Variants in RANBP17 observed in about 807,000 individuals in gnomAD.
RANBP17 encodes the protein ran-binding protein 17.
In RANBP17, 158 loss-of-function variants were observed where a neutral mutation model predicts 141.2. The observed-to-expected ratio is 1.12, with a 90% CI of 0.98 to 1.28. The LOEUF is 1.28. Among genes scored for constraint, RANBP17 ranks in the 50% most tolerant of loss-of-function variants. The probability of loss-of-function intolerance (pLI) is 0.00; values close to 1 mark genes in which losing one functional copy is unlikely to be tolerated. For synonymous variants in RANBP17, 430 were observed against 450.0 expected, an observed-to-expected ratio of 0.96 and a Z score of 0.56; for missense variants, 1,438 against 1,290.7, an observed-to-expected ratio of 1.11 and a Z score of -1.75.
intron 14 of RANBP17, among the ~76,000 whole-genome samples, chr5:171,048,997 A>G (rs961052618): frequency 1.3e-5 from 2 of 152,164 alleles, no homozygotes; most frequent in South Asian, 2.1e-4. Context: ...TGTGTATCCA[A>G]TAATGGGATT....
At chr5:171,247,904 A>G (rs1000825861) in intron 24 of RANBP17, among the ~76,000 whole-genome samples, 10 of 152,218 alleles carry the variant, frequency 6.6e-5, no homozygotes, top group African/African-American at 2.4e-4. Flanking sequence ...AAATCATTAT[A>G]TGCGCTAAAC....
chr5:171,097,618 T>G (rs1337057313), intron 14 of RANBP17, among the ~76,000 whole-genome samples: 3 of 138,198 alleles, frequency 2.2e-5, no homozygotes, highest in Non-Finnish European at 4.7e-5. Context: ...TTTATTATTA[T>G]TATTATTATT....
intron 3 of RANBP17, among the ~76,000 whole-genome samples, chr5:170,887,065 G>T (rs1769227602): frequency 6.6e-6 from 1 of 152,080 alleles, no homozygotes; most frequent in East Asian, 1.9e-4. Context: ...TCAAACTCAT[G>T]TTGTTCAAGG....
chr5:171,239,727 C>A (rs1011927210), intron 22 of RANBP17, among the ~76,000 whole-genome samples: 2 of 152,146 alleles, frequency 1.3e-5, no homozygotes, highest in African/African-American at 4.8e-5. Flanking sequence ...AAGGCTGTTG[C>A]GTCTGCATAG....
At chr5:171,039,717 C>T (rs901956349) in intron 14 of RANBP17, among the ~76,000 whole-genome samples, 2 of 152,076 alleles carry the variant, frequency 1.3e-5, no homozygotes, top group Admixed American at 1.3e-4. Flanking sequence ...CGGAAAAATA[C>T]AAAGGATTCT....
At chr5:171,250,678 A>G (rs1171190470) in intron 24 of RANBP17, among the ~76,000 whole-genome samples, 1 of 152,170 alleles carries the variant, frequency 6.6e-6, no homozygotes, top group African/African-American at 2.4e-5. Flanking sequence ...ACAAAAGCGA[A>G]CAGGAATAGC....
intron 12 of RANBP17, among the ~76,000 whole-genome samples, chr5:170,948,718 A>G (rs1026455909): frequency 1.3e-5 from 2 of 152,242 alleles, no homozygotes; most frequent in Non-Finnish European, 2.9e-5. Flanking sequence ...CCTAAAGTTC[A>G]TATGGAAATC....
intron 14 of RANBP17, among the ~76,000 whole-genome samples, chr5:170,976,521 T>C (rs1777390862): frequency 2.0e-5 from 3 of 152,132 alleles, no homozygotes; most frequent in Admixed American, 6.5e-5. Context: ...GAACGCAGAA[T>C]AGCCAAAACA....
intron 14 of RANBP17, among the ~76,000 whole-genome samples, chr5:171,035,636 G>T (rs1581455014): frequency 6.7e-6 from 1 of 149,940 alleles, no homozygotes; most frequent in East Asian, 2.0e-4. Flanking sequence ...TTACCCAGTG[G>T]CTTATAAGCT....
rs528880842 is a variant in RANBP17 at position 170,932,664 on chromosome 5, A to G, written c.1468+8114A>G. ...AGGCCTTTTCTGCATCTATTGAGAT[A>G]ATCATGTGGTTTTTGTCTTTGGCTC... On this transcript the variant is annotated intron_variant, in intron 12 of 27. Transcript: ENST00000523189. 1.6e-3 allele frequency among the ~76,000 whole-genome samples: 244 copies of G among 152,238 alleles called. 1 individual carries two copies. Among genetic ancestry groups the G allele is most frequent in the African/African-American group, 5.8e-3 (240 of 41,550 alleles).
intron 24 of RANBP17, among the ~76,000 whole-genome samples, chr5:171,247,352 T>C (rs1456029308): frequency 6.6e-6 from 1 of 152,204 alleles, no homozygotes; most frequent in African/African-American, 2.4e-5. Flanking sequence ...CCCTGTGTCA[T>C]CAAGAAAGGG....
intron 14 of RANBP17, among the ~76,000 whole-genome samples, chr5:171,006,698 A>G (rs1305102895): frequency 6.6e-6 from 1 of 151,936 alleles, no homozygotes; most frequent in Non-Finnish European, 1.5e-5. Flanking sequence ...ATACATATGT[A>G]ACAAATCTGC....
At chr5:171,129,312 T>G (rs1347371842) in intron 14 of RANBP17, among the ~76,000 whole-genome samples, 1 of 152,154 alleles carries the variant, frequency 6.6e-6, no homozygotes, top group Non-Finnish European at 1.5e-5. Flanking sequence ...TACCACACAT[T>G]TGTTGCAAAA....
chr5:171,021,340 C>T (rs1055724846), intron 14 of RANBP17, among the ~76,000 whole-genome samples: 1 of 152,176 alleles, frequency 6.6e-6, no homozygotes, highest in African/African-American at 2.4e-5. Flanking sequence ...TGGGGGAGTT[C>T]TCCTGGATAA....
intron 3 of RANBP17, among the ~76,000 whole-genome samples, chr5:170,887,201 T>G (rs1769236901): frequency 6.6e-6 from 1 of 152,198 alleles, no homozygotes. Context: ...TCCTTTGATA[T>G]GTCTTGTGCA....
At chr5:170,869,914 TAA>T (rs1330219278) in intron 1 of RANBP17, among the ~76,000 whole-genome samples, 1 of 152,222 alleles carries the variant, frequency 6.6e-6, no homozygotes, top group Non-Finnish European at 1.5e-5. Flanking sequence ...TACATGACAC[TAA>T]CTCTTAATCC....
chr5:171,220,809 G>C (rs967045442), intron 21 of RANBP17, among the ~76,000 whole-genome samples: 2 of 152,086 alleles, frequency 1.3e-5, no homozygotes, highest in Non-Finnish European at 2.9e-5. Flanking sequence ...TGTTATTTTG[G>C]AAAATGTTAT....
intron 21 of RANBP17, 138 bp from the exon 22 acceptor site, chr5:171,221,620 T>C (rs1312342806): frequency 3.1e-6 from 2 of 644,784 alleles, no homozygotes; most frequent in East Asian, 2.7e-5. Flanking sequence ...TTATCAACAG[T>C]TGTTTATAAA....
chr5:171,228,932 GAAAA>G (rs1052734862), intron 22 of RANBP17, among the ~76,000 whole-genome samples: 11 of 147,724 alleles, frequency 7.4e-5, no homozygotes, highest in African/African-American at 2.7e-4. Flanking sequence ...TGAGAAACCA[GAAAA>G]AAAAAAGTGT....
Sources: gnomAD v4.1 joint callset for allele counts (sites outside exome capture counted in the v4.1 genomes callset) on GRCh38, gnomAD v4.1.1 for gene constraint, MANE v1.5 for transcripts, NCBI Gene and HGNC (gene_info 2026-07-23, HGNC 2026-07-21) for gene names.